The following CDK5RAP1 variants were observed in gnomAD, a reference collection of about 807,000 sequenced individuals.
CDK5RAP1 encodes CDK5RAP1 mitochondrial tRNA methylthiotransferase, also known as mitochondrial tRNA methylthiotransferase CDK5RAP1.
A neutral mutation model predicts 64.5 loss-of-function variants in CDK5RAP1; 62 were observed. The ratio of observed to expected loss-of-function variants is 0.96; its 90% CI spans 0.78 to 1.19. CDK5RAP1 has a LOEUF of 1.19. Ranked by LOEUF, CDK5RAP1 falls within the 50% of genes most tolerant of loss-of-function variation. The pLI is 0.00. For synonymous variants in CDK5RAP1, 250 were observed against 261.9 expected (o/e 0.95, Z 0.44); for missense variants, 657 against 735.0 (o/e 0.89, Z 1.23).
At chr20:33,378,115 T>C (rs1986246803) in intron 8 of CDK5RAP1, among the ~76,000 whole-genome samples, 1 of 152,250 alleles carries the variant, frequency 6.6e-6, no homozygotes, top group African/African-American at 2.4e-5. Flanking sequence ...GCTTTCAACA[T>C]GATTTCCTCA....
At chr20:33,372,213 T>A (rs1475213092) in intron 10 of CDK5RAP1, among the ~76,000 whole-genome samples, 1 of 144,994 alleles carries the variant, frequency 6.9e-6, no homozygotes, top group Non-Finnish European at 1.5e-5. Flanking sequence ...AAAAAGAAAG[T>A]CAAATGTGGT....
intron 6 of CDK5RAP1, among the ~76,000 whole-genome samples, chr20:33,385,977 C>T (rs1987380068): frequency 6.6e-6 from 1 of 152,212 alleles, no homozygotes; most frequent in South Asian, 2.1e-4. Context: ...ATAAACCAAA[C>T]TATAACCAGT....
chr20:33,392,178 G>A lies in CDK5RAP1; in HGVS notation c.508C>T (p.Pro170Ser), dbSNP rs746808129. The A allele has an allele frequency of 4.3e-6, 7 of 1,613,394 alleles. No individual in the cohort carries two copies. The highest frequency in any genetic ancestry group is 2.2e-5 in the East Asian group (1 of 44,886). Reference sequence around the variant, plus strand: ...ATCCTCAGAGGAACCCGGGAGCGGGGCCGCCTTGTCTTCAAGGCTTTAAGC... The same window carrying A: ...ATCCTCAGAGGAACCCGGGAGCGGGACCGCCTTGTCTTCAAGGCTTTAAGC... ...HQLKALKTRR[P>S]RSRVPLRIGI... The change falls in exon 5 of 14, where the codon CCC becomes TCC. Residue 170 changes from proline to serine, a missense_variant. Coordinates refer to ENST00000346416, the MANE Select transcript of CDK5RAP1 (RefSeq NM_016408.4).
chr20:33,395,462 G>C (rs6120250), intron 2 of CDK5RAP1, among the ~76,000 whole-genome samples: 1 of 152,012 alleles, frequency 6.6e-6, no homozygotes, highest in African/African-American at 2.4e-5. Flanking sequence ...TTAAAAATTA[G>C]GCAAGTGATA....
intron 5 of CDK5RAP1, among the ~76,000 whole-genome samples, chr20:33,389,639 C>T (rs1988055357): frequency 6.6e-6 from 1 of 152,098 alleles, no homozygotes; most frequent in Non-Finnish European, 1.5e-5. Flanking sequence ...GGGGGCGCCT[C>T]TGCCCGGCCA....
In CDK5RAP1 at chr20:33,394,413, A is replaced by G. The variant is rs147712842; in HGVS notation, c.409-347T>C. On this transcript the variant is annotated intron_variant, in intron 3 of 13. Coordinates refer to ENST00000346416, the MANE Select transcript of CDK5RAP1 (RefSeq NM_016408.4). ...GTGATTCACCTGCCTTGGTCTCCCA[A>G]AATGCTAGGATTACAGGCATGAGCC... is the stretch of plus-strand genomic sequence containing the variant. Among the ~76,000 whole-genome samples, 1,122 of 151,974 alleles carry G rather than the reference A, an allele frequency of 7.4e-3. 10 individuals are homozygous for G. Among genetic ancestry groups the G allele is most frequent in the African/African-American group, 0.026 (1,062 of 41,472 alleles).
intron 1 of CDK5RAP1, among the ~76,000 whole-genome samples, chr20:33,398,372 T>C (rs1178270591): frequency 6.6e-6 from 1 of 152,102 alleles, no homozygotes; most frequent in Non-Finnish European, 1.5e-5. Flanking sequence ...CACACACCTG[T>C]ATTCTAAGAT....
At chr20:33,383,741 CAAAAAAA>C (rs34365439) in intron 7 of CDK5RAP1, among the ~76,000 whole-genome samples, 3 of 91,242 alleles carry the variant, frequency 3.3e-5, no homozygotes, top group African/African-American at 1.4e-4. Context: ...AACTCTGTCT[CAAAAAAA>C]AAAAAAAAAA....
intron 1 of CDK5RAP1, among the ~76,000 whole-genome samples, chr20:33,401,183 C>CCCCA (rs1160870584): frequency 3.3e-5 from 5 of 152,334 alleles, no homozygotes; most frequent in African/African-American, 1.2e-4. Flanking sequence ...GTACTGTCAA[C>CCCCA]CCCACTTCAC....
intron 12 of CDK5RAP1, among the ~76,000 whole-genome samples, chr20:33,361,340 A>G (rs1227696238): frequency 6.6e-6 from 1 of 152,226 alleles, no homozygotes; most frequent in Non-Finnish European, 1.5e-5. Context: ...TCTAGAGAGA[A>G]GGGAGCAAAG....
At chr20:33,395,897 C>T (rs1988857025) in intron 2 of CDK5RAP1, among the ~76,000 whole-genome samples, 1 of 152,002 alleles carries the variant, frequency 6.6e-6, no homozygotes, top group African/African-American at 2.4e-5. Context: ...ACCTGTAATC[C>T]CAGCTACTCA....
At chr20:33,366,835 T>G (rs760210344) in intron 12 of CDK5RAP1, 24 bp downstream of exon 12, 1 of 1,585,818 alleles carries the variant, frequency 6.3e-7, no homozygotes, top group African/African-American at 1.4e-5. Flanking sequence ...AAAAACAACA[T>G]AACACACACA....
chr20:33,372,898 A>T (rs1008374549), intron 9 of CDK5RAP1: 1 of 364,500 alleles, frequency 2.7e-6, no homozygotes, highest in Non-Finnish European at 4.8e-6. Flanking sequence ...ATGAATTTTT[A>T]TTTAAGGACA....
chr20:33,388,796 C>T (rs1360255424), intron 5 of CDK5RAP1, among the ~76,000 whole-genome samples: 1 of 152,056 alleles, frequency 6.6e-6, no homozygotes, highest in Admixed American at 6.5e-5. Flanking sequence ...GACTGGTTTT[C>T]GTATTTTTTT....
intron 12 of CDK5RAP1, among the ~76,000 whole-genome samples, chr20:33,366,140 G>A (rs1244326885): frequency 6.6e-6 from 1 of 152,012 alleles, no homozygotes; most frequent in East Asian, 1.9e-4. Context: ...ACAACATGGT[G>A]AAATCCTGTC....
chr20:33,378,919 G>A (rs921796857), intron 8 of CDK5RAP1, among the ~76,000 whole-genome samples: 3 of 152,024 alleles, frequency 2.0e-5, no homozygotes, highest in South Asian at 2.1e-4. Flanking sequence ...TTAACCTCCC[G>A]CTGAATATCA....
At chr20:33,378,191 G>T (rs1039217247) in intron 8 of CDK5RAP1, among the ~76,000 whole-genome samples, 1 of 152,156 alleles carries the variant, frequency 6.6e-6, no homozygotes, top group South Asian at 2.1e-4. Flanking sequence ...CTTCACTTGA[G>T]CACTTTAGAG....
At chr20:33,378,958 CT>C (rs1276427585) in intron 8 of CDK5RAP1, among the ~76,000 whole-genome samples, 5 of 152,106 alleles carry the variant, frequency 3.3e-5, no homozygotes, top group Non-Finnish European at 5.9e-5. Context: ...CCTTGGCAGA[CT>C]TTTTTTTCGA....
chr20:33,370,652 A>G (rs1253004513), intron 10 of CDK5RAP1, 23 bp from the exon 11 acceptor site: 1 of 1,613,928 alleles, frequency 6.2e-7, no homozygotes, highest in East Asian at 2.2e-5. Context: ...GCAAAGGATG[A>G]CAGGTGACTG....
Sources: gnomAD v4.1 joint callset for allele counts (sites outside exome capture counted in the v4.1 genomes callset) on GRCh38, gnomAD v4.1.1 for gene constraint, MANE v1.5 for transcripts, NCBI Gene and HGNC (gene_info 2026-07-23, HGNC 2026-07-21) for gene names.